COL25A1: variants seen among roughly 807,000 people sequenced by gnomAD.
The protein encoded by COL25A1 is collagen type XXV alpha 1 chain.
Under a neutral mutation model 128.4 loss-of-function variants are expected in COL25A1, and 103 were observed. The ratio of observed to expected loss-of-function variants is 0.80; its 90% confidence interval spans 0.68 to 0.94. COL25A1 has a LOEUF of 0.94. Ranked by LOEUF, COL25A1 falls within the 40% of genes least tolerant of loss-of-function variation. The probability of loss-of-function intolerance (pLI) is 0.00; values close to 1 mark genes in which losing one functional copy is unlikely to be tolerated. For synonymous variants in COL25A1, 279 were observed against 277.2 expected (o/e 1.01, Z -0.06); for missense variants, 745 against 840.0 (o/e 0.89, Z 1.40).
chr4:108,974,605 T>C, intron 6 of COL25A1, 46 bp from the exon 7 acceptor site: 1 of 1,459,642 alleles, frequency 6.9e-7, no homozygotes, highest in Non-Finnish European at 9.4e-7. Flanking sequence ...AAAAAGATAT[T>C]GTAAACTGAA....
intron 3 of COL25A1, among the ~76,000 whole-genome samples, chr4:109,180,383 T>C (rs1276229847): frequency 6.6e-6 from 1 of 152,178 alleles, no homozygotes; most frequent in African/African-American, 2.4e-5. Flanking sequence ...CTCTAAAGGA[T>C]AGTAAAGTTT....
chr4:109,008,511 A>C (rs950444916), intron 6 of COL25A1, among the ~76,000 whole-genome samples: 12 of 152,222 alleles, frequency 7.9e-5, no homozygotes, highest in African/African-American at 2.2e-4. Flanking sequence ...GATGTGGGAA[A>C]GAAGGTCCAG....
chr4:109,275,713 C>T (rs1345190598), intron 3 of COL25A1, among the ~76,000 whole-genome samples: 1 of 152,150 alleles, frequency 6.6e-6, no homozygotes, highest in Non-Finnish European at 1.5e-5. Context: ...AACGACTATT[C>T]CTATTTGACC....
chr4:109,302,182 A>C lies in COL25A1; in HGVS notation c.-70T>G. 1.1e-6 allele frequency: 1 copy of C among 898,162 alleles called. No homozygotes were observed. Among genetic ancestry groups the C allele is most frequent in the South Asian group, 1.9e-5 (1 of 52,252 alleles). 55.6% of individuals were successfully genotyped at this position (898,162 alleles called of 1,614,324 possible). ...GCGGATACGGACCCCTGCCTTGCTCAGCGTCCAGACCCGCAGGCGTGCACC... is the reference window on the plus strand; with the variant it reads ...GCGGATACGGACCCCTGCCTTGCTCCGCGTCCAGACCCGCAGGCGTGCACC... On this transcript the variant is annotated 5_prime_UTR_variant, in exon 1 of 38. It removes the in-frame stop codon of an upstream open reading frame in the 5' UTR. Transcript: ENST00000399132.
chr4:108,956,806 C>G (rs1007525269), intron 8 of COL25A1, among the ~76,000 whole-genome samples: 2 of 152,072 alleles, frequency 1.3e-5, no homozygotes, highest in African/African-American at 4.8e-5. Flanking sequence ...TCTCAAATCT[C>G]CAGGAAATGG....
chr4:109,173,530 C>CT (rs974094654), intron 3 of COL25A1, among the ~76,000 whole-genome samples: 8 of 152,002 alleles, frequency 5.3e-5, no homozygotes, highest in Non-Finnish European at 1.0e-4. Context: ...AAGTTATACT[C>CT]TTTTTTTAAT....
chr4:109,067,817 G>A (rs1579262117), intron 3 of COL25A1, among the ~76,000 whole-genome samples: 1 of 152,136 alleles, frequency 6.6e-6, no homozygotes, highest in East Asian at 1.9e-4. Flanking sequence ...TGGAAGAAAA[G>A]GGATTAGAGA....
intron 3 of COL25A1, among the ~76,000 whole-genome samples, chr4:109,076,290 G>A (rs1763367780): frequency 6.6e-6 from 1 of 152,118 alleles, no homozygotes; most frequent in Non-Finnish European, 1.5e-5. Context: ...AACTATATCA[G>A]CAATATCTGC....
rs528714475 is a variant in COL25A1, at chr4:108,889,318, A to T, written c.940-62T>A. The T allele has an allele frequency of 4.2e-5, 64 of 1,511,960 alleles. No individual in the cohort carries two copies. The South Asian group carries it at 6.3e-4, about 15-fold the overall frequency. 93.7% of individuals were successfully genotyped at this position (1,511,960 alleles called of 1,614,324 possible). A position where few individuals can be genotyped will look rare whatever the true frequency, so the allele number is the denominator to read the frequency against. On this transcript the variant is annotated intron_variant, in intron 17 of 37. Coordinates refer to ENST00000399132, the MANE Select transcript of COL25A1 (RefSeq NM_198721.4). Reference sequence around the variant, plus strand: ...TAAAAGAATTTTCTAAAACACTTAGACCTCTGGGCACCATCACAGGGATGG... The same window carrying T: ...TAAAAGAATTTTCTAAAACACTTAGTCCTCTGGGCACCATCACAGGGATGG...
chr4:109,216,330 G>C (rs1488889577), intron 3 of COL25A1, among the ~76,000 whole-genome samples: 2 of 151,888 alleles, frequency 1.3e-5, no homozygotes, highest in African/African-American at 4.8e-5. Flanking sequence ...AGGAAGGAAG[G>C]GGGGGCAGTT....
At chr4:109,139,165 T>C (rs1770132911) in intron 3 of COL25A1, among the ~76,000 whole-genome samples, 1 of 151,270 alleles carries the variant, frequency 6.6e-6, no homozygotes, top group African/African-American at 2.4e-5. Context: ...TTTGCCCACT[T>C]TTTGAAGGGG....
intron 6 of COL25A1, among the ~76,000 whole-genome samples, chr4:108,998,833 T>G (rs1306759869): frequency 6.6e-6 from 1 of 152,186 alleles, no homozygotes; most frequent in Non-Finnish European, 1.5e-5. Flanking sequence ...CCTCTGATCT[T>G]TGACAAGCCT....
Position 109,109,162 on chromosome 4 carries a change from C to A in COL25A1, c.368-58983G>T, listed in dbSNP as rs1260054935. Among the ~76,000 whole-genome samples, 4 of 152,228 alleles carry A rather than the reference C, an allele frequency of 2.6e-5. No homozygotes were observed. The South Asian group carries it at 8.3e-4, about 32-fold the overall frequency. ...GCTTTGCAGTGGCACAATCTCTCCT[C>A]ACCACAACCTCCTCCTCCTGGGTTC... is the stretch of plus-strand genomic sequence containing the variant. On this transcript the variant is annotated intron_variant, in intron 3 of 37. Transcript: ENST00000399132.
chr4:109,079,397 T>C (rs1389565808), intron 3 of COL25A1, among the ~76,000 whole-genome samples: 2 of 152,236 alleles, frequency 1.3e-5, no homozygotes, highest in Admixed American at 6.5e-5. Flanking sequence ...ATTTGAGCAA[T>C]CCTTCTGAAT....
At chr4:109,246,036 A>T (rs75936441) in intron 3 of COL25A1, among the ~76,000 whole-genome samples, 3 of 149,944 alleles carry the variant, frequency 2.0e-5, no homozygotes, top group Non-Finnish European at 3.0e-5. Context: ...AAAAAAAAAA[A>T]TTTAAAAAAC....
chr4:108,913,388 A>G (rs1188845315), intron 13 of COL25A1, among the ~76,000 whole-genome samples: 1 of 150,308 alleles, frequency 6.7e-6, no homozygotes, highest in African/African-American at 2.4e-5. Context: ...CATCCCAAGT[A>G]GCTGGGATTA....
intron 3 of COL25A1, among the ~76,000 whole-genome samples, chr4:109,120,481 T>C (rs1484319932): frequency 6.6e-6 from 1 of 152,122 alleles, no homozygotes; most frequent in Non-Finnish European, 1.5e-5. Context: ...CTTTTTTATA[T>C]TCCAACAATA....
At chr4:109,296,969 G>C (rs1177130700) in intron 3 of COL25A1, among the ~76,000 whole-genome samples, 1 of 152,058 alleles carries the variant, frequency 6.6e-6, no homozygotes, top group Non-Finnish European at 1.5e-5. Context: ...TACAGCCATA[G>C]CAAAGAGCCA....
At chr4:109,109,371 T>C (rs1371555060) in intron 3 of COL25A1, among the ~76,000 whole-genome samples, 1 of 152,166 alleles carries the variant, frequency 6.6e-6, no homozygotes, top group African/African-American at 2.4e-5. Flanking sequence ...AATATATATT[T>C]CCCTTTCCTC....
Sources: gnomAD v4.1 joint callset for allele counts (sites outside exome capture counted in the v4.1 genomes callset) on GRCh38, gnomAD v4.1.1 for gene constraint, MANE v1.5 for transcripts, NCBI Gene and HGNC (gene_info 2026-07-23, HGNC 2026-07-21) for gene names.